CHRNB4: variants seen among roughly 807,000 people sequenced by gnomAD.
CHRNB4 encodes neuronal acetylcholine receptor subunit beta-4.
Under a neutral mutation model 40.4 loss-of-function variants are expected in CHRNB4, and 23 were observed. The ratio of observed to expected loss-of-function variants is 0.57; its 90% confidence interval spans 0.41 to 0.81. The LOEUF (loss-of-function observed/expected upper bound fraction) is 0.81, where lower values mean the gene tolerates loss of function less well. Among genes scored for constraint, CHRNB4 ranks in the 30% least tolerant of loss-of-function variants. CHRNB4 has a pLI of 0.00. For missense variants in CHRNB4, 568 were observed against 670.6 expected, an observed-to-expected ratio of 0.85 and a Z score of 1.69; for synonymous variants, 285 against 274.4, an observed-to-expected ratio of 1.04 and a Z score of -0.38.
intron 1 of CHRNB4, among the ~76,000 whole-genome samples, chr15:78,637,432 A>G (rs2053975671): frequency 6.6e-6 from 1 of 151,750 alleles, no homozygotes; most frequent in African/African-American, 2.4e-5. Flanking sequence ...GATGAGAATG[A>G]GCAGAAGAAA....
upstream of CHRNB4, among the ~76,000 whole-genome samples, chr15:78,641,914 C>T (rs2054081027): frequency 1.3e-5 from 2 of 152,146 alleles, no homozygotes; most frequent in Admixed American, 1.3e-4. Context: ...CATTCCCTTG[C>T]GGGTGGGGGG....
At chr15:78,636,303 GGTCTCTCCACCCGCA>G (rs2053948672) in intron 1 of CHRNB4, among the ~76,000 whole-genome samples, 1 of 151,440 alleles carries the variant, frequency 6.6e-6, no homozygotes, top group Non-Finnish European at 1.5e-5. Context: ...CCCTCCTCCT[GGTCTCTCCACCCGCA>G]GTCTCTCCCT....
At chr15:78,647,024 C>T (rs2054128113) in intron 7 of CHRNB4, among the ~76,000 whole-genome samples, 1 of 152,070 alleles carries the variant, frequency 6.6e-6, no homozygotes, top group Non-Finnish European at 1.5e-5. Flanking sequence ...TGTCTGTAGT[C>T]CTGTACTTAG....
At chr15:78,627,092 G>GC (rs2053675445) in intron 5 of CHRNB4, 1 of 152,220 alleles carries the variant, frequency 6.6e-6, no homozygotes. Context: ...CCACAGTGTT[G>GC]CCCACGTGGT....
rs775747859 is a variant in CHRNB4 at position 78,625,310 on chromosome 15, G to A, written c.1339-19C>T. On this transcript the variant is annotated intron_variant, in intron 5 of 5. Coordinates refer to ENST00000261751, the MANE Select transcript of CHRNB4 (RefSeq NM_000750.5). ...CAACGACCTGCAGGCAGACAGAGGA[G>A]TTGGTCACAGGTGCCAAGTACTGGG... 5.9e-6 allele frequency: 9 copies of A among 1,525,964 alleles called. No individual in the cohort carries two copies. The highest frequency in any genetic ancestry group is 4.5e-5 in the East Asian group (2 of 44,186). The allele number at this position is 1,525,964 out of a possible 1,614,324, so 94.5% of individuals were successfully genotyped here. A position where few individuals can be genotyped will look rare whatever the true frequency, so the allele number is the denominator to read the frequency against.
chr15:78,631,071 C>T lies in CHRNB4; in HGVS notation c.359+5G>A. On this transcript the variant is annotated splice_donor_5th_base_variant and intron_variant, in intron 4 of 5. Transcript: ENST00000261751. ...CACCAGGCCTCCACCAACCCTGCCA[C>T]TCACTTGTTGTAAAGCACGATGTCA... The T allele has an allele frequency of 6.2e-7, 1 of 1,612,916 alleles. No individual in the cohort carries two copies. Among genetic ancestry groups the T allele is most frequent in the Non-Finnish European group, 8.5e-7 (1 of 1,179,064 alleles).
At position 78,629,222 on chromosome 15, in the gene CHRNB4, C is replaced by T. The variant is rs530208614; in HGVS notation, c.1083G>A (p.Pro361=). The change falls in exon 5 of 6, where the codon CCG becomes CCA. Residue 361 remains proline (P), a synonymous_variant. Coordinates refer to ENST00000261751, the MANE Select transcript of CHRNB4 (RefSeq NM_000750.5). The surrounding 1 kb of genome is among the most constrained non-coding windows in gnomAD (Gnocchi z 6.8). ...GPDSSPARAF[P]PSKSCVTKPE... ...GCTTGGTCACGCATGACTTGCTGGG[C>T]GGGAAGGCTCTGGCCGGGCTGCTGT... The T allele has an allele frequency of 3.1e-5, 50 of 1,613,390 alleles. 1 individual carries two copies. The highest frequency in any genetic ancestry group is 8.8e-5 in the South Asian group (8 of 91,028).
intron 1 of CHRNB4, among the ~76,000 whole-genome samples, chr15:78,635,796 TTCC>T (rs2053937330): frequency 6.6e-6 from 1 of 152,144 alleles, no homozygotes; most frequent in Admixed American, 6.6e-5. Context: ...GCCATACTTC[TTCC>T]TCCTCCTCTT....
chr15:78,637,993 T>C (rs551165160), intron 1 of CHRNB4, among the ~76,000 whole-genome samples: 2 of 152,318 alleles, frequency 1.3e-5, no homozygotes, highest in African/African-American at 4.8e-5. Context: ...CAGCCCTTCT[T>C]TAGCATGTTT....
chr15:78,643,511 C>T (rs2054098982), upstream of CHRNB4, among the ~76,000 whole-genome samples: 1 of 152,154 alleles, frequency 6.6e-6, no homozygotes, highest in Non-Finnish European at 1.5e-5. Flanking sequence ...TGCTTTCTAT[C>T]ACTGTTTCTT....
At chr15:78,648,253 T>G (rs1314780199) in intron 7 of CHRNB4, among the ~76,000 whole-genome samples, 1 of 148,950 alleles carries the variant, frequency 6.7e-6, no homozygotes, top group Non-Finnish European at 1.5e-5. Context: ...ATTAGCTGGG[T>G]GTGGTGGCAG....
At chr15:78,651,929 ATCC>A (rs1052434553) in intron 6 of CHRNB4, among the ~76,000 whole-genome samples, 1 of 152,222 alleles carries the variant, frequency 6.6e-6, no homozygotes, top group African/African-American at 2.4e-5. Flanking sequence ...AGGGTCTTGG[ATCC>A]TCATCTCTTA....
At chr15:78,643,490 G>A (rs912838731), upstream of CHRNB4, among the ~76,000 whole-genome samples, 9 of 152,174 alleles carry the variant, frequency 5.9e-5, no homozygotes, top group South Asian at 6.2e-4. Context: ...AAGTTAGGAC[G>A]TAAACAAGGG....
upstream of CHRNB4, among the ~76,000 whole-genome samples, chr15:78,641,608 TGAAA>T (rs755682063): frequency 7.8e-4 from 119 of 152,290 alleles, no homozygotes; most frequent in Non-Finnish European, 1.4e-3. Context: ...TGGGGTTTGC[TGAAA>T]GAAAGGACAC....
chr15:78,627,162 G>A (rs1324118109), intron 5 of CHRNB4: 1 of 152,234 alleles, frequency 6.6e-6, no homozygotes, highest in Non-Finnish European at 1.5e-5. Context: ...AATGAATTAG[G>A]TGATGCTGAC....
chr15:78,649,291 C>T, intron 7 of CHRNB4: 1 of 366,864 alleles, frequency 2.7e-6, no homozygotes, highest in Non-Finnish European at 5.3e-6. Flanking sequence ...TATGATAATG[C>T]TCATAGTCAC....
chr15:78,661,109 C>T, upstream of CHRNB4: 3 of 613,074 alleles, frequency 4.9e-6, no homozygotes, highest in South Asian at 1.4e-5. Flanking sequence ...TTGGAGCGGA[C>T]GTAGGCTTTG....
At chr15:78,636,113 G>A (rs2053944453) in intron 1 of CHRNB4, among the ~76,000 whole-genome samples, 1 of 152,004 alleles carries the variant, frequency 6.6e-6, no homozygotes, top group South Asian at 2.1e-4. Context: ...CACCATATTG[G>A]CCAGGCTGTT....
intron 4 of CHRNB4, among the ~76,000 whole-genome samples, 200 bp from the exon 5 acceptor site, chr15:78,630,145 T>C (rs1188662091): frequency 1.5e-5 from 2 of 137,640 alleles, no homozygotes; most frequent in African/African-American, 2.9e-5. Context: ...GCACCCCCCT[T>C]TTTTTTTTTT....
Sources: allele counts gnomAD v4.1 joint callset (sites outside exome capture counted in the v4.1 genomes callset), GRCh38; gene constraint gnomAD v4.1.1; non-coding constraint Gnocchi (gnomAD v3.1); transcripts MANE v1.5; gene names NCBI Gene and HGNC (gene_info 2026-07-23, HGNC 2026-07-21).